Variants in AK5 observed in about 807,000 individuals in gnomAD.
AK5 encodes the protein adenylate kinase 5.
AK5 carries 27 observed loss-of-function variants against 69.5 expected under a neutral mutation model. The observed-to-expected ratio is 0.39, with a 90% CI of 0.29 to 0.54. The LOEUF is 0.54. AK5 is among the 20% of genes least tolerant of loss of function. The probability of loss-of-function intolerance (pLI) is 0.71; values close to 1 mark genes in which losing one functional copy is unlikely to be tolerated. For synonymous variants in AK5, 260 were observed against 244.4 expected (o/e 1.06, Z -0.60); for missense variants, 531 against 700.4 (o/e 0.76, Z 2.73).
chr1:77,486,214 A>T lies in AK5; in HGVS notation c.1103-94A>T, dbSNP rs554182111. The T allele has an allele frequency of 1.4e-5, 11 of 791,834 alleles. No homozygotes were observed. The African/African-American group carries it at 1.9e-4, about 14-fold the overall frequency. The allele number at this position is 791,834 out of a possible 1,614,324, so 49.1% of individuals were successfully genotyped here. ...CAACTTCAAGCTTTTTATCAAATAA[A>T]ACTACAAGGTTTGGGTTTTTATATA... On this transcript the variant is annotated intron_variant, in intron 9 of 13. Transcript: ENST00000354567.
At chr1:77,468,467 G>A (rs1654278023) in intron 8 of AK5, among the ~76,000 whole-genome samples, 1 of 152,244 alleles carries the variant, frequency 6.6e-6, no homozygotes. Context: ...CTCAGAGGCA[G>A]GCCTGTGGCT....
intron 13 of AK5, among the ~76,000 whole-genome samples, chr1:77,541,678 C>G (rs1279166762): frequency 6.6e-6 from 1 of 152,152 alleles, no homozygotes; most frequent in Non-Finnish European, 1.5e-5. Context: ...CGTGTGGGAT[C>G]AGGCCTAAAA....
intron 5 of AK5, among the ~76,000 whole-genome samples, chr1:77,333,679 AAC>A (rs545318096): frequency 9.6e-4 from 146 of 152,198 alleles, no homozygotes; most frequent in African/African-American, 3.4e-3. Flanking sequence ...GTTTTATTGG[AAC>A]ACAGCCATGC....
intron 6 of AK5, among the ~76,000 whole-genome samples, chr1:77,356,393 A>G (rs1662528209): frequency 6.6e-6 from 1 of 152,214 alleles, no homozygotes; most frequent in African/African-American, 2.4e-5. Flanking sequence ...AGAATATAGA[A>G]AAAATGAACA....
chr1:77,453,174 C>T (rs2100660670), intron 8 of AK5, among the ~76,000 whole-genome samples: 1 of 152,282 alleles, frequency 6.6e-6, no homozygotes, highest in Non-Finnish European at 1.5e-5. Flanking sequence ...CCATATTTGT[C>T]TTTCTATTTC....
chr1:77,425,569 A>G (rs1477427962), intron 8 of AK5, among the ~76,000 whole-genome samples: 3 of 152,220 alleles, frequency 2.0e-5, no homozygotes, highest in African/African-American at 4.8e-5. Flanking sequence ...CCTGGGTGAT[A>G]GAGCAAGACT....
chr1:77,472,013 T>C (rs1174066775), intron 8 of AK5, among the ~76,000 whole-genome samples: 1 of 152,206 alleles, frequency 6.6e-6, no homozygotes. Flanking sequence ...ATAAGTGCCT[T>C]TTAAATGTAA....
chr1:77,379,213 G>A (rs906525325), intron 6 of AK5, among the ~76,000 whole-genome samples: 2 of 152,134 alleles, frequency 1.3e-5, no homozygotes, highest in African/African-American at 4.8e-5. Flanking sequence ...GCTTCCGATG[G>A]CTGTCTTCCC....
chr1:77,535,247 A>C (rs1658894851), intron 12 of AK5, among the ~76,000 whole-genome samples: 1 of 152,206 alleles, frequency 6.6e-6, no homozygotes. Context: ...TACAGGTCAG[A>C]TTCAAGGTGT....
rs138765653 is a variant in AK5 at position 77,341,421 on chromosome 1, G to A, written c.891+853G>A. Among the ~76,000 whole-genome samples, 11 of 152,304 alleles carry A rather than the reference G, an allele frequency of 7.2e-5. No homozygotes were observed. In the East Asian group the frequency reaches 1.9e-3, roughly 27 times the overall value. ...GGCAGAATCCTCCTCTCAGCCCTCG[G>A]GCCCGGGCCAGTGGACCAAAGAGTT... On this transcript the variant is annotated intron_variant, in intron 6 of 13. Transcript: ENST00000354567.
intron 6 of AK5, among the ~76,000 whole-genome samples, chr1:77,368,703 C>T (rs558618355): frequency 6.6e-6 from 1 of 152,206 alleles, no homozygotes; most frequent in South Asian, 2.1e-4. Context: ...ACGGGTTGAG[C>T]CTTCCTAATC....
chr1:77,382,161 C>T (rs1250147453), intron 6 of AK5, among the ~76,000 whole-genome samples: 3 of 151,684 alleles, frequency 2.0e-5, no homozygotes, highest in East Asian at 1.9e-4. Context: ...TCCTTTCAAT[C>T]GTTTTCCCAT....
chr1:77,525,574 T>C (rs1239124064), intron 12 of AK5, among the ~76,000 whole-genome samples: 1 of 152,078 alleles, frequency 6.6e-6, no homozygotes, highest in Admixed American at 6.5e-5. Flanking sequence ...TTCCATGAAC[T>C]TAGAGAATGA....
intron 12 of AK5, among the ~76,000 whole-genome samples, chr1:77,534,543 CTTAT>C (rs1230493787): frequency 6.6e-6 from 1 of 152,154 alleles, no homozygotes; most frequent in Non-Finnish European, 1.5e-5. Context: ...CGTATGTTAC[CTTAT>C]TTAATTTTAT....
At chr1:77,299,579 A>T (rs1659218770) in intron 5 of AK5, among the ~76,000 whole-genome samples, 1 of 152,158 alleles carries the variant, frequency 6.6e-6, no homozygotes, top group Non-Finnish European at 1.5e-5. Context: ...TCTGGTGCTC[A>T]GTCAGCTTAA....
intron 5 of AK5, among the ~76,000 whole-genome samples, chr1:77,309,712 C>T (rs191543172): frequency 6.6e-6 from 1 of 152,186 alleles, no homozygotes; most frequent in African/African-American, 2.4e-5. Flanking sequence ...CTTCAAATTA[C>T]TAGTGAACTG....
intron 10 of AK5, among the ~76,000 whole-genome samples, chr1:77,498,086 G>A (rs1656459611): frequency 6.6e-6 from 1 of 152,182 alleles, no homozygotes; most frequent in Admixed American, 6.5e-5. Flanking sequence ...CTTCCCAAGA[G>A]CCCTGCCAGA....
intron 1 of AK5, chr1:77,282,954 T>C: frequency 1.0e-6 from 1 of 985,728 alleles, no homozygotes; most frequent in Non-Finnish European, 1.2e-6. Flanking sequence ...GCGCTTTCGC[T>C]GAATGAACTC....
chr1:77,329,563 G>T (rs1002527829), intron 5 of AK5, among the ~76,000 whole-genome samples: 2 of 152,152 alleles, frequency 1.3e-5, no homozygotes, highest in African/African-American at 4.8e-5. Flanking sequence ...CTGGCCATAT[G>T]AATTTGCATT....
Sources: allele counts gnomAD v4.1 joint callset (sites outside exome capture counted in the v4.1 genomes callset), GRCh38; gene constraint gnomAD v4.1.1; transcripts MANE v1.5; gene names NCBI Gene and HGNC (gene_info 2026-07-23, HGNC 2026-07-21).